The following DLG2 variants were observed in gnomAD, a reference collection of about 807,000 sequenced individuals.
DLG2 encodes disks large homolog 2.
A neutral mutation model predicts 132.5 loss-of-function variants in DLG2; 45 were observed. The observed-to-expected ratio is 0.34, with a 90% confidence interval of 0.27 to 0.44. DLG2 has a LOEUF of 0.44. DLG2 is among the 20% of genes least tolerant of loss of function. The pLI, the probability that DLG2 is intolerant of heterozygous loss-of-function variation, is 1.00. For missense variants in DLG2, 1,045 were observed against 1,196.9 expected (o/e 0.87, Z 1.87); for synonymous variants, 424 against 419.6 (o/e 1.01, Z -0.13).
At chr11:83,475,020 AGGCACT>A (rs1362726001) in intron 22 of DLG2, among the ~76,000 whole-genome samples, 1 of 152,148 alleles carries the variant, frequency 6.6e-6, no homozygotes, top group African/African-American at 2.4e-5. Flanking sequence ...TTTCTATGAA[AGGCACT>A]GGTTCTGGTT....
chr11:84,159,078 C>A lies in DLG2; in HGVS notation c.624+4383G>T, dbSNP rs7938507. On this transcript the variant is annotated intron_variant, in intron 9 of 27. Coordinates refer to ENST00000376104, the MANE Select transcript of DLG2 (RefSeq NM_001142699.3). The stretch of plus-strand genomic sequence containing the variant: ...TAGAGCCAGAATTCAAACCTGGATT[C>A]AAACCAGGCCATGTGCGTCTATGTT... Among the ~76,000 whole-genome samples, 1,043 of 152,268 alleles carry A rather than the reference C, an allele frequency of 6.8e-3. 8 individuals carry two copies. The highest frequency in any genetic ancestry group is 0.021 in the Middle Eastern group (6 of 292).
intron 6 of DLG2, among the ~76,000 whole-genome samples, chr11:85,040,192 A>T (rs531873873): frequency 1.2e-4 from 18 of 152,080 alleles, no homozygotes; most frequent in African/African-American, 3.9e-4. Flanking sequence ...ACCAAGGATG[A>T]AAAGAATTGC....
chr11:84,906,381 A>AACACACACACAC (rs35833007), intron 6 of DLG2, among the ~76,000 whole-genome samples: 3,032 of 144,014 alleles, frequency 0.021, 38 homozygotes, highest in South Asian at 0.047. Flanking sequence ...CAGCAAGGCT[A>AACACACACACAC]ACACACACAC....
At chr11:83,879,134 C>T (rs2065498884) in intron 15 of DLG2, among the ~76,000 whole-genome samples, 1 of 152,162 alleles carries the variant, frequency 6.6e-6, no homozygotes, top group African/African-American at 2.4e-5. Context: ...TGTTCTATTA[C>T]ACATGGAACA....
chr11:83,992,057 T>C lies in DLG2; in HGVS notation c.920-11415A>G, dbSNP rs867978074. ...TCTGTAAGCCAAGGAACATCAAAGA[T>C]TGTAAGCAACCACTAAAAGCTAGGG... On this transcript the variant is annotated intron_variant, in intron 11 of 27. Coordinates refer to ENST00000376104, the MANE Select transcript of DLG2 (RefSeq NM_001142699.3). Among the ~76,000 whole-genome samples, 9 of 152,206 alleles carry C rather than the reference T, an allele frequency of 5.9e-5. No homozygotes were observed. In the South Asian group the frequency reaches 1.9e-3, roughly 32 times the overall value.
intron 6 of DLG2, among the ~76,000 whole-genome samples, chr11:85,012,027 A>G (rs1360854994): frequency 6.6e-6 from 1 of 152,196 alleles, no homozygotes; most frequent in Non-Finnish European, 1.5e-5. Flanking sequence ...ACAGATCATT[A>G]AAATACAATG....
intron 9 of DLG2, among the ~76,000 whole-genome samples, chr11:84,153,450 C>T (rs557925876): frequency 2.0e-5 from 3 of 152,204 alleles, no homozygotes; most frequent in Non-Finnish European, 4.4e-5. Context: ...GTTGTTTACT[C>T]TTTCTCCTTC....
chr11:84,134,362 A>T (rs2094526577), intron 9 of DLG2, among the ~76,000 whole-genome samples: 1 of 152,138 alleles, frequency 6.6e-6, no homozygotes, highest in African/African-American at 2.4e-5. Flanking sequence ...CTCACACAAA[A>T]GAATACAGGT....
chr11:84,741,843 C>T (rs536769957), intron 6 of DLG2, among the ~76,000 whole-genome samples: 1 of 151,772 alleles, frequency 6.6e-6, no homozygotes, highest in South Asian at 2.1e-4. Flanking sequence ...AATGAAGTAC[C>T]AGAAAAGGAA....
chr11:85,622,167 G>A (rs117059370), intron 2 of DLG2, among the ~76,000 whole-genome samples: 2,493 of 152,242 alleles, frequency 0.016, 35 homozygotes, highest in Middle Eastern at 0.034. Context: ...TTTACTTAAA[G>A]TACGTACATT....
At chr11:84,960,679 T>C (rs2052425158) in intron 6 of DLG2, among the ~76,000 whole-genome samples, 2 of 152,092 alleles carry the variant, frequency 1.3e-5, no homozygotes, top group African/African-American at 4.8e-5. Context: ...GCTCAGGCAA[T>C]CCACCCGCCT....
intron 3 of DLG2, among the ~76,000 whole-genome samples, chr11:85,443,016 C>T (rs1040937951): frequency 4.0e-5 from 6 of 151,750 alleles, no homozygotes; most frequent in African/African-American, 7.3e-5. Flanking sequence ...CAATATACAA[C>T]GGGGGGAAAT....
At chr11:84,081,847 C>T (rs1054759402) in intron 10 of DLG2, among the ~76,000 whole-genome samples, 2 of 152,162 alleles carry the variant, frequency 1.3e-5, no homozygotes, top group Non-Finnish European at 2.9e-5. Context: ...AATGGGATCG[C>T]TGGGTCAAAT....
intron 16 of DLG2, among the ~76,000 whole-genome samples, chr11:83,854,679 T>C (rs987713025): frequency 7.9e-5 from 12 of 152,276 alleles, no homozygotes; most frequent in African/African-American, 2.9e-4. Flanking sequence ...TAGATGACCT[T>C]GGGTTTTGAG....
intron 14 of DLG2, among the ~76,000 whole-genome samples, chr11:83,961,021 C>T (rs1483407): frequency 0.13 from 20,487 of 151,940 alleles, 1,726 homozygotes; most frequent in African/African-American, 0.22. Flanking sequence ...GCATATCTCA[C>T]GTGTACCGTA....
intron 11 of DLG2, among the ~76,000 whole-genome samples, chr11:84,028,062 A>C (rs1905327): frequency 0.66 from 99,346 of 151,254 alleles, 34,945 homozygotes; most frequent in Non-Finnish European, 0.79. Flanking sequence ...TAAAAAAAAA[A>C]AAAACAAAAC....
intron 6 of DLG2, chr11:84,720,451 G>GC (rs1425447366): frequency 3.0e-6 from 3 of 985,230 alleles, no homozygotes; most frequent in Non-Finnish European, 2.4e-6. Flanking sequence ...CGCTGTGCTC[G>GC]CCGGGCACAT....
At chr11:84,195,211 T>G (rs570743793) in intron 8 of DLG2, among the ~76,000 whole-genome samples, 1 of 152,344 alleles carries the variant, frequency 6.6e-6, no homozygotes, top group East Asian at 1.9e-4. Flanking sequence ...GTTGCCGGGC[T>G]GGAGTGCAGT....
intron 10 of DLG2, among the ~76,000 whole-genome samples, chr11:84,070,225 T>C (rs1201610449): frequency 2.0e-5 from 3 of 152,218 alleles, no homozygotes; most frequent in African/African-American, 4.8e-5. Context: ...TTGTATGACT[T>C]CTAAACCAAC....
Sources: gnomAD v4.1 joint callset for allele counts (sites outside exome capture counted in the v4.1 genomes callset) on GRCh38, gnomAD v4.1.1 for gene constraint, MANE v1.5 for transcripts, NCBI Gene and HGNC (gene_info 2026-07-23, HGNC 2026-07-21) for gene names.